The following RASSF5 variants were observed in gnomAD, a reference collection of about 807,000 sequenced individuals.
RASSF5 encodes the protein Ras association domain family member 5.
In RASSF5, 25 loss-of-function variants were observed where a neutral mutation model predicts 40.5. That is an observed-to-expected ratio of 0.62 (90% CI 0.45 to 0.86). The LOEUF is 0.86. Ranked by LOEUF, RASSF5 falls within the 40% of genes least tolerant of loss-of-function variation. RASSF5 has a pLI of 0.00. For missense variants in RASSF5, 521 were observed against 572.8 expected, an observed-to-expected ratio of 0.91 and a Z score of 0.92; for synonymous variants, 246 against 252.4, an observed-to-expected ratio of 0.97 and a Z score of 0.24.
chr1:206,536,044 T>C (rs1482496779), intron 1 of RASSF5, among the ~76,000 whole-genome samples: 1 of 152,064 alleles, frequency 6.6e-6, no homozygotes, highest in African/African-American at 2.4e-5. Context: ...TGCTGCCCAT[T>C]GTGGGTTCTG....
chr1:206,583,140 CAGTT>C (rs1668960413), intron 2 of RASSF5, 125 bp from the exon 3 acceptor site: 5 of 654,142 alleles, frequency 7.6e-6, no homozygotes, highest in African/African-American at 1.8e-5. Flanking sequence ...CGAGTCCGTG[CAGTT>C]AGTTCCACTC....
At chr1:206,564,356 C>T (rs992815522) in intron 2 of RASSF5, among the ~76,000 whole-genome samples, 3 of 152,158 alleles carry the variant, frequency 2.0e-5, no homozygotes, top group Non-Finnish European at 4.4e-5. Context: ...TGTTCTGGTT[C>T]CTCCCCTCCT....
chr1:206,581,101 TTAGCTTCTTAC>T (rs1668855832), intron 2 of RASSF5: 1 of 152,242 alleles, frequency 6.6e-6, no homozygotes, highest in Non-Finnish European at 1.5e-5. Flanking sequence ...CAGTTCCTAC[TTAGCTTCTTAC>T]TAGCAGGGGA....
chr1:206,540,610 G>C (rs1254003380), intron 2 of RASSF5, among the ~76,000 whole-genome samples: 1 of 152,266 alleles, frequency 6.6e-6, no homozygotes, highest in East Asian at 1.9e-4. Flanking sequence ...AACTGGGGCA[G>C]GACCCAGCCC....
At chr1:206,585,641 C>T (rs4072497) in intron 5 of RASSF5, 21,835 of 194,612 alleles carry the variant, frequency 0.11, 1,567 homozygotes, top group Non-Finnish European at 0.16. Context: ...GGCTACCAAG[C>T]TCCATCTCTG....
intron 1 of RASSF5, chr1:206,518,389 T>C (rs1666817177): frequency 5.0e-6 from 2 of 398,538 alleles, no homozygotes; most frequent in Admixed American, 4.4e-5. Flanking sequence ...GGCGCTGAGA[T>C]GACCGAGGGC....
Position 206,559,744 on chromosome 1 carries a change from G to A in RASSF5, c.579+21451G>A, listed in dbSNP as rs970935571. Reference sequence around the variant, plus strand: ...ATAAATGCTTCAGGGTGGTGGGCACGGCCCCTCTTATCCTTACGGGAAGCA... The same window carrying A: ...ATAAATGCTTCAGGGTGGTGGGCACAGCCCCTCTTATCCTTACGGGAAGCA... On this transcript the variant is annotated intron_variant, in intron 2 of 5. Coordinates refer to ENST00000579436, the MANE Select transcript of RASSF5 (RefSeq NM_182663.4). 3.3e-5 allele frequency among the ~76,000 whole-genome samples: 5 copies of A among 152,142 alleles called. No individual in the cohort carries two copies. The South Asian group carries it at 8.3e-4, about 25-fold the overall frequency.
intron 2 of RASSF5, among the ~76,000 whole-genome samples, chr1:206,549,496 G>A (rs1048643968): frequency 2.0e-5 from 3 of 152,002 alleles, no homozygotes; most frequent in South Asian, 2.1e-4. Context: ...GTCAGTAGTC[G>A]AGACAGAGTC....
At chr1:206,546,665 A>T (rs1222184008) in intron 2 of RASSF5, among the ~76,000 whole-genome samples, 1 of 152,224 alleles carries the variant, frequency 6.6e-6, no homozygotes, top group South Asian at 2.1e-4. Flanking sequence ...TCAAAAATGC[A>T]TTTAATACAC....
chr1:206,523,406 ATAT>A (rs1302486968), intron 1 of RASSF5, among the ~76,000 whole-genome samples: 12 of 42,088 alleles, frequency 2.9e-4, no homozygotes, highest in South Asian at 1.1e-3. Flanking sequence ...ATAAATATAA[ATAT>A]TATATATTAT....
chr1:206,508,764 A>C (rs1244656972), intron 1 of RASSF5, among the ~76,000 whole-genome samples: 1 of 151,774 alleles, frequency 6.6e-6, no homozygotes, highest in Non-Finnish European at 1.5e-5. Context: ...CCTAGTCGTC[A>C]TGCTCTAACA....
intron 2 of RASSF5, among the ~76,000 whole-genome samples, chr1:206,568,295 T>G (rs1162677812): frequency 1.3e-5 from 2 of 152,198 alleles, no homozygotes; most frequent in East Asian, 3.9e-4. Flanking sequence ...GTGCCAAGAC[T>G]GCCAGCCCAG....
In RASSF5 at chr1:206,570,419, G is replaced by T. The variant is rs1169205561; in HGVS notation, c.580-12850G>T. 4.6e-5 allele frequency among the ~76,000 whole-genome samples: 7 copies of T among 152,220 alleles called. 1 individual carries two copies. The highest frequency in any genetic ancestry group is 3.9e-4 in the East Asian group (2 of 5,182). ...AAAATGTACCATTCTTAAGTGCATA[G>T]TGCAGTGACGTTAAGTATAACCTCA... is the stretch of plus-strand genomic sequence containing the variant. On this transcript the variant is annotated intron_variant, in intron 2 of 5. Transcript: ENST00000579436.
chr1:206,523,758 CATAATATAT>C (rs1666997217), intron 1 of RASSF5, among the ~76,000 whole-genome samples: 1 of 90,462 alleles, frequency 1.1e-5, no homozygotes, highest in South Asian at 2.8e-4. Flanking sequence ...ATATAATATA[CATAATATAT>C]TTTATATATT....
At chr1:206,515,264 A>G (rs1666717235) in intron 1 of RASSF5, among the ~76,000 whole-genome samples, 1 of 152,246 alleles carries the variant, frequency 6.6e-6, no homozygotes, top group Non-Finnish European at 1.5e-5. Flanking sequence ...AGTTGGCTCC[A>G]CTTAAGCCAA....
chr1:206,554,706 C>T (rs10779474), intron 2 of RASSF5, among the ~76,000 whole-genome samples: 82,477 of 152,054 alleles, frequency 0.54, 22,602 homozygotes, highest in Middle Eastern at 0.65. Flanking sequence ...GGGAAGAGGT[C>T]CAGAGGTTCA....
chr1:206,520,131 A>G (rs1297204933), intron 1 of RASSF5, among the ~76,000 whole-genome samples: 1 of 152,186 alleles, frequency 6.6e-6, no homozygotes, highest in Non-Finnish European at 1.5e-5. Flanking sequence ...CACATACCGC[A>G]CTGTGGCTAT....
chr1:206,516,604 G>A (rs1282002622), intron 1 of RASSF5, among the ~76,000 whole-genome samples: 4 of 152,020 alleles, frequency 2.6e-5, no homozygotes, highest in African/African-American at 9.7e-5. Context: ...CTACAGGTGC[G>A]TGCCACCACA....
intron 2 of RASSF5, among the ~76,000 whole-genome samples, chr1:206,568,908 C>G (rs1668357211): frequency 6.6e-6 from 1 of 152,224 alleles, no homozygotes; most frequent in Admixed American, 6.5e-5. Context: ...ATACGTAGCT[C>G]CTAGCTCTGG....
Sources: gnomAD v4.1 joint callset for allele counts (sites outside exome capture counted in the v4.1 genomes callset) on GRCh38, gnomAD v4.1.1 for gene constraint, MANE v1.5 for transcripts, NCBI Gene and HGNC (gene_info 2026-07-23, HGNC 2026-07-21) for gene names.